CHID1: variants seen among roughly 807,000 people sequenced by gnomAD.
The protein encoded by CHID1 is chitinase domain-containing protein 1.
In CHID1, 44 loss-of-function variants were observed where a neutral mutation model predicts 55.4. The ratio of observed to expected loss-of-function variants is 0.79; its 90% CI spans 0.62 to 1.02. The LOEUF (loss-of-function observed/expected upper bound fraction) is 1.02, where lower values mean the gene tolerates loss of function less well. CHID1 is among the 50% of genes least tolerant of loss of function. The probability of loss-of-function intolerance (pLI) is 0.00; values close to 1 mark genes in which losing one functional copy is unlikely to be tolerated. For missense variants in CHID1, 491 were observed against 515.3 expected, an observed-to-expected ratio of 0.95 and a Z score of 0.46; for synonymous variants, 216 against 212.9, an observed-to-expected ratio of 1.01 and a Z score of -0.13.
At chr11:892,439 C>T (rs957097565) in intron 8 of CHID1, among the ~76,000 whole-genome samples, 5 of 152,234 alleles carry the variant, frequency 3.3e-5, no homozygotes, top group Non-Finnish European at 5.9e-5. Context: ...ATGCTGGGTA[C>T]GTGTGCAAGA....
intron 7 of CHID1, among the ~76,000 whole-genome samples, chr11:894,871 C>T (rs1851145834): frequency 6.6e-6 from 1 of 152,166 alleles, no homozygotes; most frequent in Middle Eastern, 3.2e-3. Context: ...CTGACATGGC[C>T]CAAGTGGGAC....
chr11:911,678 C>T (rs935032150), upstream of CHID1, among the ~76,000 whole-genome samples: 2 of 152,158 alleles, frequency 1.3e-5, no homozygotes, highest in Non-Finnish European at 2.9e-5. Flanking sequence ...AGTCACGTTT[C>T]CTTCTTTCCC....
rs536934764 is a variant in CHID1 at position 894,058 on chromosome 11, G to A, written c.609-539C>T. ...AATTACTTGAACCCAGGAGGTGGAG[G>A]TTGCAGTGAGCTGAGATCGCACCAC... On this transcript the variant is annotated intron_variant, in intron 7 of 12. Coordinates refer to ENST00000323578, the MANE Select transcript of CHID1 (RefSeq NM_023947.4). Among the ~76,000 whole-genome samples the A allele has an allele frequency of 1.5e-4, 23 of 148,976 alleles. No individual in the cohort carries two copies. In the South Asian group the frequency reaches 4.8e-3, roughly 31 times the overall value.
intron 8 of CHID1, among the ~76,000 whole-genome samples, chr11:886,372 T>C (rs1850396952): frequency 6.7e-6 from 1 of 149,718 alleles, no homozygotes; most frequent in Non-Finnish European, 1.5e-5. Flanking sequence ...GGTGGGAGGA[T>C]GGCTTGAGCC....
intron 10 of CHID1, among the ~76,000 whole-genome samples, chr11:881,912 G>A (rs1383191161): frequency 6.6e-6 from 1 of 151,658 alleles, no homozygotes. Flanking sequence ...GCTGAGGTGG[G>A]AGGATGGCTT....
intron 8 of CHID1, among the ~76,000 whole-genome samples, chr11:885,453 A>C (rs1453624160): frequency 6.6e-6 from 1 of 151,992 alleles, no homozygotes; most frequent in Non-Finnish European, 1.5e-5. Context: ...AGGTACGTGG[A>C]GCATCATCCA....
chr11:899,307 G>A (rs769624073), intron 7 of CHID1, 33 bp downstream of exon 7: 4 of 1,576,664 alleles, frequency 2.5e-6, no homozygotes, highest in Non-Finnish European at 2.6e-6. Context: ...GGGCCAGGAG[G>A]AGGGCCACCC....
intron 8 of CHID1, among the ~76,000 whole-genome samples, chr11:888,452 G>A (rs949423641): frequency 3.9e-5 from 6 of 152,240 alleles, no homozygotes; most frequent in African/African-American, 1.4e-4. Context: ...CCAGACACAT[G>A]CGAGAGCCGG....
At chr11:872,515 C>T (rs1012364349) in intron 10 of CHID1, among the ~76,000 whole-genome samples, 2 of 152,200 alleles carry the variant, frequency 1.3e-5, no homozygotes, top group African/African-American at 2.4e-5. Flanking sequence ...CATCCCAGGC[C>T]TGGAAAAGGA....
At chr11:881,760 G>A (rs576440246) in intron 10 of CHID1, among the ~76,000 whole-genome samples, 1 of 152,078 alleles carries the variant, frequency 6.6e-6, no homozygotes, top group African/African-American at 2.4e-5. Context: ...CCAGCACTTT[G>A]GGAGGCTGAG....
intron 1 of CHID1, among the ~76,000 whole-genome samples, chr11:906,400 G>A (rs1260432521): frequency 3.9e-5 from 6 of 152,100 alleles, no homozygotes; most frequent in South Asian, 2.1e-4. Context: ...CACCACATCC[G>A]GCTAGTTTTT....
At chr11:893,168 C>T (rs1429654736) in intron 8 of CHID1, among the ~76,000 whole-genome samples, 3 of 152,206 alleles carry the variant, frequency 2.0e-5, no homozygotes, top group Non-Finnish European at 2.9e-5. Context: ...CCTGCCTGGC[C>T]TCTGTGACTC....
intron 10 of CHID1, among the ~76,000 whole-genome samples, chr11:878,904 T>C (rs1303112474): frequency 6.6e-6 from 1 of 151,980 alleles, no homozygotes; most frequent in Admixed American, 6.5e-5. Flanking sequence ...TGGAGTGCAG[T>C]GGTGCGATCT....
rs1565155145 is a variant in CHID1 at position 868,864 on chromosome 11, CGA to C, written c.*992_*993del. 1 of 152,390 alleles carries C rather than the reference CGA, an allele frequency of 6.6e-6. No homozygotes were observed. Among genetic ancestry groups the C allele is most frequent in the East Asian group, 1.9e-4 (1 of 5,186 alleles). 9.4% of individuals were successfully genotyped at this position (152,390 alleles called of 1,614,324 possible). ...CTCCCTGGACTCACTTCTGTCCCCC[CGA>C]GAGACCTTGCCCGGGACATGTACCC... is the stretch of plus-strand genomic sequence containing the variant. On this transcript the variant is annotated 3_prime_UTR_variant, in exon 13 of 13. Transcript: ENST00000323578.
intron 12 of CHID1, 31 bp from the exon 13 acceptor site, chr11:869,987 T>C (rs1337257067): frequency 6.2e-7 from 1 of 1,606,962 alleles, no homozygotes; most frequent in East Asian, 2.2e-5. Context: ...GAGCACCTGC[T>C]GGGGCCTGTC....
upstream of CHID1, chr11:914,550 A>C: frequency 7.8e-7 from 1 of 1,289,364 alleles, no homozygotes; most frequent in Non-Finnish European, 1.0e-6. Context: ...CCCCAGCCTG[A>C]GGATGCCTCT....
chr11:870,094 C>G (rs201415316), intron 12 of CHID1, 27 bp downstream of exon 12: 1 of 1,612,752 alleles, frequency 6.2e-7, no homozygotes, highest in Admixed American at 1.7e-5. Context: ...ACCCCTCCCC[C>G]GGTCCCACGG....
intron 1 of CHID1, among the ~76,000 whole-genome samples, chr11:905,961 C>T (rs1852181681): frequency 6.6e-6 from 1 of 152,186 alleles, no homozygotes; most frequent in Admixed American, 6.5e-5. Context: ...CGGATTTCTA[C>T]CCATAATCTA....
At chr11:895,416 C>T (rs1398310567) in intron 7 of CHID1, among the ~76,000 whole-genome samples, 2 of 152,176 alleles carry the variant, frequency 1.3e-5, no homozygotes, top group Non-Finnish European at 2.9e-5. Flanking sequence ...CAGGTCTACC[C>T]AGGCCCCCAG....
Sources: gnomAD v4.1 joint callset for allele counts (sites outside exome capture counted in the v4.1 genomes callset) on GRCh38, gnomAD v4.1.1 for gene constraint, MANE v1.5 for transcripts, NCBI Gene and HGNC (gene_info 2026-07-23, HGNC 2026-07-21) for gene names.